Variants in CPSF3 observed in about 807,000 individuals in gnomAD.
The protein encoded by CPSF3 is cleavage and polyadenylation specific factor 3, also known as cleavage and polyadenylation specificity factor subunit 3.
CPSF3 carries 57 observed loss-of-function variants against 84.1 expected under a neutral mutation model. The observed-to-expected ratio is 0.68, with a 90% CI of 0.55 to 0.85. The LOEUF (loss-of-function observed/expected upper bound fraction) is 0.85. Ranked by LOEUF, CPSF3 falls within the 40% of genes least tolerant of loss-of-function variation. The pLI, the probability that CPSF3 is intolerant of heterozygous loss-of-function variation, is 0.00. For missense variants in CPSF3, 522 were observed against 838.8 expected, an observed-to-expected ratio of 0.62 and a Z score of 4.66; for synonymous variants, 275 against 278.1, an observed-to-expected ratio of 0.99 and a Z score of 0.11.
rs749667120 is a variant in CPSF3 at position 9,428,218 on chromosome 2, C to T, written c.51-547C>T. Among the ~76,000 whole-genome samples, 10 of 150,418 alleles carry T rather than the reference C, an allele frequency of 6.6e-5. 1 individual carries two copies. Among genetic ancestry groups the T allele is most frequent in the African/African-American group, 7.5e-5 (3 of 39,932 alleles). Reference sequence around the variant, plus strand: ...TCACCGTGTTAGCCAGGATGGGTCTCGATATCCTGATCTCGTGATCTGCCT... The same window carrying T: ...TCACCGTGTTAGCCAGGATGGGTCTTGATATCCTGATCTCGTGATCTGCCT... On this transcript the variant is annotated intron_variant, in intron 1 of 17. Coordinates refer to ENST00000238112, the MANE Select transcript of CPSF3 (RefSeq NM_016207.4).
chr2:9,459,137 C>T (rs747716616), intron 14 of CPSF3, among the ~76,000 whole-genome samples: 2 of 151,778 alleles, frequency 1.3e-5, no homozygotes, highest in Admixed American at 6.6e-5. Context: ...TTACCCTCTT[C>T]GCATTCTGTC....
intron 10 of CPSF3, among the ~76,000 whole-genome samples, chr2:9,446,800 T>C (rs1681142921): frequency 6.6e-6 from 1 of 151,578 alleles, no homozygotes; most frequent in Non-Finnish European, 1.5e-5. Context: ...GTTACAAAAG[T>C]GAATGGAAAG....
At chr2:9,432,778 G>A in intron 5 of CPSF3, 90 bp downstream of exon 5, 3 of 1,017,754 alleles carry the variant, frequency 2.9e-6, no homozygotes, top group Non-Finnish European at 3.9e-6. Flanking sequence ...AATTCCCTAA[G>A]ACTTGCAAAG....
intron 8 of CPSF3, among the ~76,000 whole-genome samples, chr2:9,441,503 C>T (rs1419779429): frequency 1.3e-5 from 2 of 152,186 alleles, no homozygotes; most frequent in Non-Finnish European, 2.9e-5. Flanking sequence ...ACCCATTTGA[C>T]TCTTCCTTTT....
chr2:9,444,137 ATATT>A (rs1171628277), intron 10 of CPSF3, among the ~76,000 whole-genome samples: 100 of 125,414 alleles, frequency 8.0e-4, no homozygotes, highest in Non-Finnish European at 2.8e-4. Flanking sequence ...CTTAATATAT[ATATT>A]ATATATATAT....
At chr2:9,459,461 T>C (rs1681646949) in intron 14 of CPSF3, 70 bp from the exon 15 acceptor site, 1 of 897,328 alleles carries the variant, frequency 1.1e-6, no homozygotes, top group Non-Finnish European at 1.9e-6. Flanking sequence ...GTTTGGTGGG[T>C]TGTAGTTGTA....
At chr2:9,434,998 A>G (rs1680724665) in intron 6 of CPSF3, among the ~76,000 whole-genome samples, 1 of 152,238 alleles carries the variant, frequency 6.6e-6, no homozygotes, top group Non-Finnish European at 1.5e-5. Flanking sequence ...CCCAGCATAT[A>G]AACTTAATTT....
At chr2:9,460,313 C>T (rs1681690935) in intron 15 of CPSF3, among the ~76,000 whole-genome samples, 1 of 152,096 alleles carries the variant, frequency 6.6e-6, no homozygotes, top group South Asian at 2.1e-4. Context: ...CCTGTAGTCC[C>T]AGCTACTCGG....
At chr2:9,426,247 G>T (rs1457996547) in intron 1 of CPSF3, among the ~76,000 whole-genome samples, 1 of 152,210 alleles carries the variant, frequency 6.6e-6, no homozygotes, top group Non-Finnish European at 1.5e-5. Context: ...CTGATGCTGG[G>T]TTGTGGCTTG....
At chr2:9,452,088 G>A (rs1309855777) in intron 11 of CPSF3, among the ~76,000 whole-genome samples, 2 of 152,088 alleles carry the variant, frequency 1.3e-5, no homozygotes, top group Admixed American at 1.3e-4. Flanking sequence ...CAACACTTTG[G>A]GAGGCCGAGG....
At chr2:9,469,376 G>T (rs1270784391) in intron 16 of CPSF3, among the ~76,000 whole-genome samples, 2 of 152,166 alleles carry the variant, frequency 1.3e-5, no homozygotes, top group Non-Finnish European at 2.9e-5. Context: ...TGTAGAAGGT[G>T]GGTGTTGCTG....
chr2:9,440,633 T>C lies in CPSF3; in HGVS notation c.903T>C (p.Asn301=), dbSNP rs772145566. 10 of 1,614,156 alleles carry C rather than the reference T, an allele frequency of 6.2e-6. No homozygotes were observed. The highest frequency in any genetic ancestry group is 1.7e-6 in the Non-Finnish European group (2 of 1,180,020). ...DKIRKQININ[N]PFVFKHISNL... is the part of the protein sequence containing the mutation. ...TCCGCAAACAGATCAACATCAATAA[T>C]CCCTTTGTTTTCAAACACATTAGTA... Residue 301 remains asparagine (N), a synonymous_variant, in exon 8 of 18, where the codon AAT becomes AAC. Coordinates refer to ENST00000238112, the MANE Select transcript of CPSF3 (RefSeq NM_016207.4).
Position 9,441,814 on chromosome 2 carries a change from T to G in CPSF3, c.937-4T>G. On this transcript the variant is annotated splice_polypyrimidine_tract_variant and splice_region_variant and intron_variant, in intron 8 of 17. Transcript: ENST00000238112. ...TACTTTTCCCATTCTGTTTTCTCTC[T>G]TAGAGCATGGATCATTTTGATGACA... 6.2e-7 allele frequency: 1 copy of G among 1,614,046 alleles called. No individual in the cohort carries two copies. The highest frequency in any genetic ancestry group is 8.5e-7 in the Non-Finnish European group (1 of 1,179,988).
intron 6 of CPSF3, 81 bp downstream of exon 6, chr2:9,434,041 C>T (rs1430188528): frequency 3.0e-5 from 24 of 797,796 alleles, no homozygotes; most frequent in Non-Finnish European, 4.6e-5. Context: ...TGTGATCTCA[C>T]TTTCATAATA....
chr2:9,463,230 G>A (rs911079708), intron 15 of CPSF3, among the ~76,000 whole-genome samples: 1 of 152,234 alleles, frequency 6.6e-6, no homozygotes, highest in Non-Finnish European at 1.5e-5. Flanking sequence ...ATGCTGCAGA[G>A]CTTTGAGCGG....
chr2:9,438,859 TGTA>T (rs1380458842), intron 7 of CPSF3, among the ~76,000 whole-genome samples: 1 of 152,234 alleles, frequency 6.6e-6, no homozygotes, highest in Non-Finnish European at 1.5e-5. Flanking sequence ...TCCCTTGTAA[TGTA>T]GTATAATAGA....
At position 9,456,515 on chromosome 2, in the gene CPSF3, G is replaced by C. The variant is rs148070679; in HGVS notation, c.1604-418G>C. 1.6e-4 allele frequency among the ~76,000 whole-genome samples: 24 copies of C among 152,274 alleles called. No individual in the cohort carries two copies. In the East Asian group the frequency reaches 4.4e-3, roughly 28 times the overall value. Reference sequence around the variant, plus strand: ...ACTGTCCTTGATTAAGAGGATGCTAGAAAGACCAGAAAAGTCTCTTCAACA... The same window carrying C: ...ACTGTCCTTGATTAAGAGGATGCTACAAAGACCAGAAAAGTCTCTTCAACA... On this transcript the variant is annotated intron_variant, in intron 13 of 17. Coordinates refer to ENST00000238112, the MANE Select transcript of CPSF3 (RefSeq NM_016207.4).
In CPSF3 at chr2:9,432,519, C is replaced by T; in HGVS notation, c.350C>T (p.Ser117Leu). ...CATCTTTCAAAATTTAGTAACATATCAGCAGACGACATGCTGTATACCGAG... is the reference window on the plus strand; with the variant it reads ...CATCTTTCAAAATTTAGTAACATATTAGCAGACGACATGCTGTATACCGAG... The part of the protein sequence containing the change: ...LSDYVKVSNI[S>L]ADDMLYTETD... The change falls in exon 5 of 18, where the codon TCA becomes TTA. Residue 117 changes from serine (S) to leucine (L), a missense_variant. By Grantham distance (145) the Ser-to-Leu change is moderately radical. Coordinates refer to ENST00000238112, the MANE Select transcript of CPSF3 (RefSeq NM_016207.4). 1 of 1,502,636 alleles carries T rather than the reference C, an allele frequency of 6.7e-7. No individual in the cohort carries two copies. Among genetic ancestry groups the T allele is most frequent in the Non-Finnish European group, 9.0e-7 (1 of 1,106,606 alleles). The allele number at this position is 1,502,636 out of a possible 1,614,324, so 93.1% of individuals were successfully genotyped here.
At chr2:9,464,429 A>G (rs1681834499) in intron 15 of CPSF3, among the ~76,000 whole-genome samples, 2 of 152,130 alleles carry the variant, frequency 1.3e-5, no homozygotes, top group South Asian at 4.1e-4. Flanking sequence ...TTATTTTGTA[A>G]TATATTTTGT....
Sources: gnomAD v4.1 joint callset for allele counts (sites outside exome capture counted in the v4.1 genomes callset) on GRCh38, gnomAD v4.1.1 for gene constraint, MANE v1.5 for transcripts, NCBI Gene and HGNC (gene_info 2026-07-23, HGNC 2026-07-21) for gene names.